The following B3GALNT2 variants were observed in gnomAD, a reference collection of about 807,000 sequenced individuals.
The protein encoded by B3GALNT2 is beta-1,3-N-acetylgalactosaminyltransferase 2, also known as UDP-GalNAc:beta-1,3-N-acetylgalactosaminyltransferase 2.
A neutral mutation model predicts 61.1 loss-of-function variants in B3GALNT2; 53 were observed. That is an observed-to-expected ratio of 0.87 (90% CI 0.70 to 1.09). B3GALNT2 has a LOEUF of 1.09. B3GALNT2 is among the 50% of genes least tolerant of loss of function. The pLI is 0.00. For synonymous variants in B3GALNT2, 223 were observed against 237.4 expected, an observed-to-expected ratio of 0.94 and a Z score of 0.56; for missense variants, 544 against 623.0, an observed-to-expected ratio of 0.87 and a Z score of 1.35.
chr1:235,441,368 G>A, the B3GALNT2 span: 1 of 259,376 alleles, frequency 3.9e-6, no homozygotes, highest in Non-Finnish European at 7.4e-6. Flanking sequence ...GAAGTGTCCT[G>A]TGGATCGTGT....
intron 6 of B3GALNT2, among the ~76,000 whole-genome samples, chr1:235,470,540 T>G (rs1683940170): frequency 7.1e-6 from 1 of 140,530 alleles, no homozygotes; most frequent in Admixed American, 7.7e-5. Flanking sequence ...ATCGTGCTAG[T>G]GCACCCCAGC....
rs750726218 is a variant in B3GALNT2 at position 235,448,385 on chromosome 1, C to A, written c.*1821G>T. 1 of 1,614,080 alleles carries A rather than the reference C, an allele frequency of 6.2e-7. No homozygotes were observed. Among genetic ancestry groups the A allele is most frequent in the East Asian group, 2.2e-5 (1 of 44,884 alleles). ...ATTCAAAAGGTGAAGGGATTGCTGT[C>A]ACGTCTTCTCAAAGTTCCTGTGTCA... On this transcript the variant is annotated 3_prime_UTR_variant, in exon 12 of 12. Transcript: ENST00000366600.
intron 7 of B3GALNT2, among the ~76,000 whole-genome samples, chr1:235,461,619 C>T (rs1572495843): frequency 7.0e-6 from 1 of 143,260 alleles, no homozygotes; most frequent in African/African-American, 2.6e-5. Flanking sequence ...CAGGTTCAAG[C>T]GATTCTCCTA....
At chr1:235,482,326 C>A (rs1009540418) in intron 4 of B3GALNT2, among the ~76,000 whole-genome samples, 2 of 152,010 alleles carry the variant, frequency 1.3e-5, no homozygotes, top group African/African-American at 4.8e-5. Context: ...TGTAGTCTTT[C>A]TGCTTGAAAA....
At chr1:235,474,977 ATATATATATATTTTT>A (rs1358779580) in intron 5 of B3GALNT2, among the ~76,000 whole-genome samples, 5 of 29,936 alleles carry the variant, frequency 1.7e-4, no homozygotes, top group African/African-American at 6.5e-4. Context: ...ATATATATAT[ATATATATATATTTTT>A]TTTTTTTTTT....
At position 235,450,263 on chromosome 1, in the gene B3GALNT2, C is replaced by T. The variant is rs202105146; in HGVS notation, c.1446G>A (p.Thr482=). The T allele has an allele frequency of 1.7e-5, 27 of 1,614,102 alleles. No homozygotes were observed. Among genetic ancestry groups the T allele is most frequent in the African/African-American group, 2.7e-5 (2 of 75,042 alleles). Residue 482 remains threonine, a synonymous_variant, in exon 12 of 12, where the codon ACG becomes ACA. Coordinates refer to ENST00000366600, the MANE Select transcript of B3GALNT2 (RefSeq NM_152490.5). The part of the protein sequence containing the change: ...SSPQYSPWEL[T]ELWKLKERCG... ...ACCGTTCCTTCAGTTTCCACAGTTCCGTCAGTTCCCACGGAGAATACTGAG... is the reference window on the plus strand; with the variant it reads ...ACCGTTCCTTCAGTTTCCACAGTTCTGTCAGTTCCCACGGAGAATACTGAG...
intron 5 of B3GALNT2, among the ~76,000 whole-genome samples, chr1:235,477,968 T>C (rs1366633105): frequency 2.6e-5 from 4 of 152,230 alleles, no homozygotes; most frequent in South Asian, 2.1e-4. Context: ...GAGGAGGAAA[T>C]AGACACAGTG....
Position 235,447,321 on chromosome 1 carries a change from T to C in B3GALNT2, c.*2885A>G, listed in dbSNP as rs1682424114. 6.6e-6 allele frequency among the ~76,000 whole-genome samples: 1 copy of C among 152,242 alleles called. No individual in the cohort carries two copies. Among genetic ancestry groups the C allele is most frequent in the South Asian group, 2.1e-4 (1 of 4,832 alleles). On this transcript the variant is annotated 3_prime_UTR_variant, in exon 12 of 12. Coordinates refer to ENST00000366600, the MANE Select transcript of B3GALNT2 (RefSeq NM_152490.5). ...AATATGTTTGAATACACTGTGATAT[T>C]TGTAGGAACACCACACTATTGCTGT... is the stretch of plus-strand genomic sequence containing the variant.
At chr1:235,440,654 A>AC in the B3GALNT2 span, among the ~76,000 whole-genome samples, 2 of 152,000 alleles carry the variant, frequency 1.3e-5, no homozygotes, top group Non-Finnish European at 2.9e-5. Flanking sequence ...TCAGCCTCCC[A>AC]AAGTGCTGGG....
intron 5 of B3GALNT2, among the ~76,000 whole-genome samples, chr1:235,473,281 T>TC (rs1684090077): frequency 6.6e-6 from 1 of 152,192 alleles, no homozygotes; most frequent in Non-Finnish European, 1.5e-5. Flanking sequence ...ATAAAAATAT[T>TC]CCAAGAGTCC....
At chr1:235,503,695 A>C (rs1558449413) in intron 1 of B3GALNT2, among the ~76,000 whole-genome samples, 1 of 152,342 alleles carries the variant, frequency 6.6e-6, no homozygotes, top group Non-Finnish European at 1.5e-5. Context: ...CACACACATT[A>C]TCCACGGCAC....
At chr1:235,497,402 C>T (rs1685378121) in intron 1 of B3GALNT2, among the ~76,000 whole-genome samples, 1 of 151,746 alleles carries the variant, frequency 6.6e-6, no homozygotes, top group African/African-American at 2.4e-5. Context: ...AAAACTGATA[C>T]AAAAAAAATT....
At chr1:235,483,315 T>G (rs754564090) in intron 4 of B3GALNT2, among the ~76,000 whole-genome samples, 3 of 152,130 alleles carry the variant, frequency 2.0e-5, no homozygotes, top group Non-Finnish European at 2.9e-5. Context: ...CCAGGAGGAA[T>G]AGAGAGAGCG....
rs1682552265 is a variant in B3GALNT2, at chr1:235,448,093, A to T, written c.*2113T>A. ...GTGTGGTGATGGGCACCAGCTACTC[A>T]GGAGGCTGAGGCAGGAGAATTGTTT... On this transcript the variant is annotated 3_prime_UTR_variant, in exon 12 of 12. Transcript: ENST00000366600. 6.6e-6 allele frequency among the ~76,000 whole-genome samples: 1 copy of T among 151,956 alleles called. No homozygotes were observed. The highest frequency in any genetic ancestry group is 2.4e-5 in the African/African-American group (1 of 41,376).
At chr1:235,493,284 T>A (rs1038377080) in intron 2 of B3GALNT2, among the ~76,000 whole-genome samples, 2 of 152,138 alleles carry the variant, frequency 1.3e-5, no homozygotes, top group Non-Finnish European at 2.9e-5. Context: ...TCTGAGCAAC[T>A]GGTGGAGGAG....
At chr1:235,468,185 G>C (rs940156740) in intron 6 of B3GALNT2, among the ~76,000 whole-genome samples, 2 of 152,108 alleles carry the variant, frequency 1.3e-5, no homozygotes, top group African/African-American at 4.8e-5. Context: ...TTGGCTTTTT[G>C]CCTTTAAAAT....
chr1:235,492,085 C>A (rs1036677813), intron 2 of B3GALNT2, among the ~76,000 whole-genome samples: 1 of 152,212 alleles, frequency 6.6e-6, no homozygotes, highest in Admixed American at 6.5e-5. Context: ...ACACATACTA[C>A]ATTATTTGCT....
chr1:235,465,376 C>A, intron 7 of B3GALNT2: 1 of 353,006 alleles, frequency 2.8e-6, no homozygotes, highest in Non-Finnish European at 4.7e-6. Flanking sequence ...GAAAGTGCAT[C>A]AGTAGTTGTT....
intron 2 of B3GALNT2, among the ~76,000 whole-genome samples, chr1:235,489,470 C>CT (rs11299116): frequency 0.45 from 68,811 of 151,996 alleles, 16,200 homozygotes; most frequent in Non-Finnish European, 0.5. Context: ...TGCATGAGTC[C>CT]TTATTGCAAT....
Sources: gnomAD v4.1 joint callset for allele counts (sites outside exome capture counted in the v4.1 genomes callset) on GRCh38, gnomAD v4.1.1 for gene constraint, MANE v1.5 for transcripts, NCBI Gene and HGNC (gene_info 2026-07-23, HGNC 2026-07-21) for gene names.